TICRR: variants seen among roughly 807,000 people sequenced by gnomAD.
TICRR encodes the protein treslin.
A neutral mutation model predicts 178.1 loss-of-function variants in TICRR; 132 were observed. The ratio of observed to expected loss-of-function variants is 0.74; its 90% confidence interval spans 0.64 to 0.86. The LOEUF is 0.86. Among genes scored for constraint, TICRR ranks in the 40% least tolerant of loss-of-function variants. TICRR has a pLI of 0.00. For missense variants in TICRR, 2,587 were observed against 2,334.3 expected (o/e 1.11, Z -2.23); for synonymous variants, 991 against 900.7 (o/e 1.10, Z -1.79).
At chr15:89,591,428 A>G (rs1421437719) in intron 4 of TICRR, 1 of 151,892 alleles carries the variant, frequency 6.6e-6, no homozygotes, top group Non-Finnish European at 1.5e-5. Context: ...CCAACCATAC[A>G]AAGCCATTTT....
At chr15:89,602,446 G>A (rs1195881435) in intron 12 of TICRR, among the ~76,000 whole-genome samples, 1 of 152,060 alleles carries the variant, frequency 6.6e-6, no homozygotes, top group Non-Finnish European at 1.5e-5. Flanking sequence ...TGTCATATAT[G>A]CAGTTCGTCA....
At chr15:89,605,158 G>A (rs1466676000) in intron 13 of TICRR, among the ~76,000 whole-genome samples, 1 of 152,190 alleles carries the variant, frequency 6.6e-6, no homozygotes, top group South Asian at 2.1e-4. Flanking sequence ...GGGCCAGATA[G>A]TAGATGTTTT....
rs1017228930 is a variant in TICRR at position 89,575,565 on chromosome 15, C to G, written c.-22C>G. ...GGTGGCGCGGGCCCGGACCGGGGCC[C>G]CGGGGCGGCGGCACGGCCGATATGG... On this transcript the variant is annotated 5_prime_UTR_variant, in exon 1 of 22. Coordinates refer to ENST00000268138, the MANE Select transcript of TICRR (RefSeq NM_152259.4). The G allele has an allele frequency of 2.3e-5, 34 of 1,451,122 alleles. No individual in the cohort carries two copies. Among genetic ancestry groups the G allele is most frequent in the Admixed American group, 2.9e-5 (1 of 34,276 alleles). 89.9% of individuals were successfully genotyped at this position (1,451,122 alleles called of 1,614,324 possible).
chr15:89,600,123 T>C (rs765753565), intron 8 of TICRR, among the ~76,000 whole-genome samples: 58 of 152,154 alleles, frequency 3.8e-4, no homozygotes, highest in Non-Finnish European at 6.3e-4. Flanking sequence ...TATATATATA[T>C]GCCTTGCTCT....
rs547534395 is a variant in TICRR, at chr15:89,609,808, T to TC, written c.2869+859_2869+860insC. ...TCTAATCTCAGTTTCATTTTTTTTT[T>TC]TTCCCTCTATTGGCTTTGGTTTTTG... On this transcript the variant is annotated intron_variant, in intron 15 of 21. Coordinates refer to ENST00000268138, the MANE Select transcript of TICRR (RefSeq NM_152259.4). Among the ~76,000 whole-genome samples, 21 of 152,260 alleles carry TC rather than the reference T, an allele frequency of 1.4e-4. 1 individual carries two copies. The South Asian group carries it at 4.1e-3, about 30-fold the overall frequency.
rs1372360062 is a variant in TICRR, at chr15:89,594,546, A to C, written c.1673A>C (p.Lys558Thr). 6.3e-7 allele frequency: 1 copy of C among 1,598,076 alleles called. No homozygotes were observed. The highest frequency in any genetic ancestry group is 2.3e-5 in the East Asian group (1 of 44,426). ...ACTATAGCTCATCAAGAAGACAGCAAAAAGAAACGTATGTACCTAGAAAGG... is the reference window on the plus strand; with the variant it reads ...ACTATAGCTCATCAAGAAGACAGCACAAAGAAACGTATGTACCTAGAAAGG... ...ESTIAHQEDS[K>T]KKRGVPRTPV... Residue 558 changes from lysine (K) to threonine (T), a missense_variant, in exon 6 of 22, where the codon AAA becomes ACA. Transcript: ENST00000268138.
In TICRR at chr15:89,608,914, T is replaced by C. The variant is rs928665665; in HGVS notation, c.2834T>C (p.Leu945Pro). Residue 945 changes from leucine to proline, a missense_variant, in exon 15 of 22, where the codon CTA (leucine) becomes CCA (proline). By Grantham distance (98) the Leu-to-Pro change is moderately conservative. Coordinates refer to ENST00000268138, the MANE Select transcript of TICRR (RefSeq NM_152259.4). ...RSHSVSAVDG[L>P]EDKLDNFKKN... ...CATTCTGTGTCAGCTGTGGATGGTC[T>C]AGAGGATAAACTTGACAACTTCAAG... 6 of 1,605,862 alleles carry C rather than the reference T, an allele frequency of 3.7e-6. No homozygotes were observed. Among genetic ancestry groups the C allele is most frequent in the Non-Finnish European group, 4.2e-6 (5 of 1,177,610 alleles).
Position 89,618,260 on chromosome 15 carries a change from A to G in TICRR, c.3019+50A>G, listed in dbSNP as rs768222367. The stretch of plus-strand genomic sequence containing the variant: ...TAATGCAATCTACCCAGCTTCTATG[A>G]AAACCTTTCTGTATGTATTGTTACT... On this transcript the variant is annotated intron_variant, in intron 17 of 21. Coordinates refer to ENST00000268138, the MANE Select transcript of TICRR (RefSeq NM_152259.4). The G allele has an allele frequency of 9.0e-6, 14 of 1,548,490 alleles. No individual in the cohort carries two copies. In the African/African-American group the frequency reaches 1.6e-4, roughly 18 times the overall value.
rs531882702 is a variant in TICRR, at chr15:89,593,799, G to A, written c.1542-616G>A. ...TGATATCTGTTCAACTAATATCACC[G>A]TAACTTTCTTGCACTTTTTAATCAG... is the stretch of plus-strand genomic sequence containing the variant. On this transcript the variant is annotated intron_variant, in intron 5 of 21. Transcript: ENST00000268138. Among the ~76,000 whole-genome samples the A allele has an allele frequency of 1.5e-4, 23 of 152,258 alleles. No individual in the cohort carries two copies. In the South Asian group the frequency reaches 4.6e-3, roughly 30 times the overall value.
Position 89,624,698 on chromosome 15 carries a change from A to AT in TICRR, c.4389dup (p.Val1464CysfsTer6). On this transcript the variant is annotated frameshift_variant, in exon 20 of 22. Transcript: ENST00000268138. LOFTEE classifies it high-confidence loss of function. Reference sequence around the variant, plus strand: ...CTGCTCATTACAAGTGACACAGAGCATGTCACTCTCCTCAGTGAAGCCGAA... The same window carrying AT: ...CTGCTCATTACAAGTGACACAGAGCATTGTCACTCTCCTCAGTGAAGCCGAA... 6.2e-7 allele frequency: 1 copy of AT among 1,614,108 alleles called. No individual in the cohort carries two copies. Among genetic ancestry groups the AT allele is most frequent in the Non-Finnish European group, 8.5e-7 (1 of 1,180,028 alleles).
rs772836864 is a variant in TICRR, at chr15:89,624,623, G to T, written c.4313G>T (p.Arg1438Leu). ...TCTCCTCAGTCTCCTCCTGAAAGAC[G>T]GGGCTACCCAGGCCCTGGTCTCAGG... ...SLSPQSPPER[R>L]GYPGPGLRSD... The change falls in exon 20 of 22, where the codon CGG (arginine) becomes CTG (leucine). Residue 1438 changes from arginine (R) to leucine (L), a missense_variant. Transcript: ENST00000268138. 1 of 1,613,966 alleles carries T rather than the reference G, an allele frequency of 6.2e-7. No homozygotes were observed. Among genetic ancestry groups the T allele is most frequent in the Non-Finnish European group, 8.5e-7 (1 of 1,180,022 alleles).
At chr15:89,586,357 C>CATAT (rs142659213) in intron 4 of TICRR, among the ~76,000 whole-genome samples, 30 of 150,546 alleles carry the variant, frequency 2.0e-4, no homozygotes, top group African/African-American at 3.4e-4. Context: ...TATACGTATA[C>CATAT]ATATATATAT....
intron 1 of TICRR, chr15:89,579,906 A>T (rs1962693932): frequency 6.6e-6 from 1 of 152,156 alleles, no homozygotes; most frequent in Non-Finnish European, 1.5e-5. Context: ...TTTCTTTATA[A>T]ATTACCCAGT....
At chr15:89,580,531 C>G (rs1254805953) in intron 1 of TICRR, among the ~76,000 whole-genome samples, 1 of 152,186 alleles carries the variant, frequency 6.6e-6, no homozygotes, top group Non-Finnish European at 1.5e-5. Context: ...ACATCACATA[C>G]TAATTAATTG....
chr15:89,576,986 C>A (rs966536262), intron 1 of TICRR, among the ~76,000 whole-genome samples: 1 of 151,712 alleles, frequency 6.6e-6, no homozygotes, highest in African/African-American at 2.4e-5. Context: ...TCCACCCCTC[C>A]GGGTTCAAGC....
chr15:89,595,478 G>T lies in TICRR; in HGVS notation c.1767G>T (p.Val589=). ...LKMLNVARLN[V]KAQKLHPDGS... is the part of the protein sequence containing the mutation. ...TGTTGAATGTCGCAAGGCTGAATGT[G>T]AAGGCCCAGAAGTTACATCCAGATG... Residue 589 remains valine (V), a synonymous_variant, in exon 7 of 22, where the codon GTG becomes GTT. Transcript: ENST00000268138. 6.2e-7 allele frequency: 1 copy of T among 1,614,174 alleles called. No individual in the cohort carries two copies. Among genetic ancestry groups the T allele is most frequent in the East Asian group, 2.2e-5 (1 of 44,874 alleles).
chr15:89,590,202 G>A (rs1378138706), intron 4 of TICRR, among the ~76,000 whole-genome samples: 1 of 152,006 alleles, frequency 6.6e-6, no homozygotes, highest in Non-Finnish European at 1.5e-5. Context: ...GAAGAATACG[G>A]GTTGAAAGGA....
At chr15:89,596,988 A>T (rs1214135239) in intron 7 of TICRR, among the ~76,000 whole-genome samples, 1 of 152,174 alleles carries the variant, frequency 6.6e-6, no homozygotes, top group Non-Finnish European at 1.5e-5. Context: ...ATATTTTTGA[A>T]CTGTGCTCAA....
In TICRR at chr15:89,625,573, A is replaced by G. The variant is rs772892188; in HGVS notation, c.5263A>G (p.Ser1755Gly). 8.7e-6 allele frequency: 14 copies of G among 1,612,948 alleles called. No homozygotes were observed. The highest frequency in any genetic ancestry group is 5.3e-5 in the African/African-American group (4 of 74,896). The change falls in exon 20 of 22, where the codon AGC (serine) becomes GGC (glycine). Residue 1755 changes from serine (S) to glycine (G), a missense_variant. Ser to Gly is a moderately conservative substitution (Grantham distance 56). Coordinates refer to ENST00000268138, the MANE Select transcript of TICRR (RefSeq NM_152259.4). ...CCCAGACCAGTCGCCTCCCAGGAAC[A>G]GCATGCCTAAGGCCGAGGAAGCCTC... The part of the protein sequence containing the change: ...QLPDQSPPRN[S>G]MPKAEEASSW...
Sources: allele counts gnomAD v4.1 joint callset (sites outside exome capture counted in the v4.1 genomes callset), GRCh38; gene constraint gnomAD v4.1.1; transcripts MANE v1.5; gene names NCBI Gene and HGNC (gene_info 2026-07-23, HGNC 2026-07-21).